RNF212B: variants seen among roughly 807,000 people sequenced by gnomAD.
RNF212B encodes ring finger protein 212B.
RNF212B carries 52 observed loss-of-function variants against 55.5 expected under a neutral mutation model. The observed-to-expected ratio is 0.94, with a 90% CI of 0.75 to 1.18. The LOEUF (loss-of-function observed/expected upper bound fraction) is 1.18, where lower values mean the gene tolerates loss of function less well. Among genes scored for constraint, RNF212B ranks in the 50% most tolerant of loss-of-function variants. RNF212B has a pLI of 0.00. For synonymous variants in RNF212B, 99 were observed against 121.4 expected (o/e 0.82, Z 1.21); for missense variants, 289 against 350.4 (o/e 0.82, Z 1.40).
chr14:23,267,027 G>C (rs781688506), intron 11 of RNF212B, among the ~76,000 whole-genome samples: 1 of 152,128 alleles, frequency 6.6e-6, no homozygotes, highest in Non-Finnish European at 1.5e-5. Context: ...GGAGTGTAGT[G>C]GCACAATTGT....
In RNF212B at chr14:23,213,239, T is replaced by G. The variant is rs544007129; in HGVS notation, c.-2+19838T>G. 6.6e-5 allele frequency among the ~76,000 whole-genome samples: 10 copies of G among 151,092 alleles called. No individual in the cohort carries two copies. The South Asian group carries it at 1.0e-3, about 16-fold the overall frequency. ...GAGGCAGGAGAATGGCGTGAACCCG[T>G]GAGGCGGAGCTTGCAGTGAGCCGAG... is the stretch of plus-strand genomic sequence containing the variant. On this transcript the variant is annotated intron_variant, in intron 2 of 15. Coordinates refer to the RNF212B transcript ENST00000399910.
intron 2 of RNF212B, among the ~76,000 whole-genome samples, chr14:23,196,915 C>T (rs966291886): frequency 6.6e-6 from 1 of 152,198 alleles, no homozygotes; most frequent in East Asian, 1.9e-4. Flanking sequence ...TCAGAGTCCT[C>T]ACTTGTGATA....
At chr14:23,189,870 A>C (rs76758830) in intron 1 of RNF212B, among the ~76,000 whole-genome samples, 2,547 of 152,186 alleles carry the variant, frequency 0.017, 67 homozygotes, top group African/African-American at 0.059. Flanking sequence ...CTACCACCCA[A>C]CTTCTCTGCT....
chr14:23,212,374 A>G (rs1823341808), intron 2 of RNF212B, among the ~76,000 whole-genome samples: 1 of 152,214 alleles, frequency 6.6e-6, no homozygotes, highest in Non-Finnish European at 1.5e-5. Context: ...TAAGAAGTAA[A>G]ACTTAAAAGT....
intron 4 of RNF212B, among the ~76,000 whole-genome samples, chr14:23,244,907 C>T (rs1321162901): frequency 2.0e-5 from 3 of 152,174 alleles, no homozygotes; most frequent in Non-Finnish European, 2.9e-5. Flanking sequence ...TAGGAAATAT[C>T]TTTTCTTGAT....
intron 2 of RNF212B, among the ~76,000 whole-genome samples, chr14:23,199,308 C>A (rs1879051785): frequency 6.6e-6 from 1 of 151,880 alleles, no homozygotes. Context: ...GGGGAGGAGG[C>A]TTCCAGGTCA....
chr14:23,212,327 A>G (rs1419769017), intron 2 of RNF212B, among the ~76,000 whole-genome samples: 2 of 152,216 alleles, frequency 1.3e-5, no homozygotes, highest in African/African-American at 4.8e-5. Flanking sequence ...GGAAAGGAAG[A>G]AGGAAAACTG....
In RNF212B at chr14:23,204,006, C is replaced by T. The variant is rs545239888; in HGVS notation, c.-2+10605C>T. ...GTGATGCTGAGCATACGTTTGTTTG[C>T]CATTTGTATATCTTCTCTTGAGAAT... On this transcript the variant is annotated intron_variant, in intron 2 of 15. Transcript: ENST00000399910. Among the ~76,000 whole-genome samples, 4 of 152,256 alleles carry T rather than the reference C, an allele frequency of 2.6e-5. No individual in the cohort carries two copies. The East Asian group carries it at 5.8e-4, about 22-fold the overall frequency.
intron 2 of RNF212B, among the ~76,000 whole-genome samples, chr14:23,228,543 G>C (rs562710380): frequency 2.0e-5 from 3 of 151,920 alleles, no homozygotes; most frequent in Non-Finnish European, 4.4e-5. Flanking sequence ...GGATGAGCAG[G>C]GAGGATGAGC....
intron 2 of RNF212B, among the ~76,000 whole-genome samples, chr14:23,216,901 A>AAAAAAAAAAAAAAC (rs1881131959): frequency 6.6e-6 from 1 of 151,466 alleles, no homozygotes; most frequent in Non-Finnish European, 1.5e-5. Context: ...AAAAAAAAAA[A>AAAAAAAAAAAAAAC]AAAGACCAAT....
At chr14:23,272,740 C>A in intron 14 of RNF212B, 83 bp from the exon 15 acceptor site, 2 of 846,050 alleles carry the variant, frequency 2.4e-6, no homozygotes, top group Non-Finnish European at 3.9e-6. Context: ...TCTCGATAAG[C>A]TTCATACAAC....
intron 2 of RNF212B, among the ~76,000 whole-genome samples, chr14:23,232,933 C>G (rs527343885): frequency 1.3e-5 from 2 of 152,046 alleles, no homozygotes; most frequent in East Asian, 3.9e-4. Context: ...TGAGAACGGG[C>G]CATGATGACG....
intron 2 of RNF212B, among the ~76,000 whole-genome samples, chr14:23,225,844 A>T (rs2140412084): frequency 6.6e-6 from 1 of 152,242 alleles, no homozygotes; most frequent in African/African-American, 2.4e-5. Flanking sequence ...GTATAATTGG[A>T]TTGTTTGTAA....
chr14:23,272,253 T>TA (rs1249935721), intron 14 of RNF212B, among the ~76,000 whole-genome samples: 1 of 151,974 alleles, frequency 6.6e-6, no homozygotes, highest in South Asian at 2.1e-4. Context: ...CCGTCTATAC[T>TA]AAAAAAAGTA....
intron 1 of RNF212B, among the ~76,000 whole-genome samples, chr14:23,239,249 G>A (rs1019650379): frequency 9.2e-5 from 14 of 152,120 alleles, no homozygotes; most frequent in Admixed American, 2.6e-4. Context: ...TAGTAGAGAC[G>A]GAGTTTTGCC....
At chr14:23,246,601 C>A (rs1436690275) in intron 4 of RNF212B, among the ~76,000 whole-genome samples, 1 of 151,744 alleles carries the variant, frequency 6.6e-6, no homozygotes, top group African/African-American at 2.4e-5. Flanking sequence ...TAAAAAAAAA[C>A]AAACAAAAAA....
upstream of RNF212B, among the ~76,000 whole-genome samples, chr14:23,236,972 T>G (rs1883155051): frequency 6.7e-6 from 1 of 149,280 alleles, no homozygotes; most frequent in Non-Finnish European, 1.5e-5. Context: ...TTTTTTTTTT[T>G]TTTTTGTTTG....
At chr14:23,212,461 G>A (rs1880616757) in intron 2 of RNF212B, among the ~76,000 whole-genome samples, 1 of 152,048 alleles carries the variant, frequency 6.6e-6, no homozygotes, top group Admixed American at 6.5e-5. Context: ...TAATAATGGG[G>A]TTTGAAAAGT....
chr14:23,271,456 AAAAG>A (rs1159578216), intron 14 of RNF212B, among the ~76,000 whole-genome samples: 1 of 151,198 alleles, frequency 6.6e-6, no homozygotes, highest in East Asian at 1.9e-4. Flanking sequence ...AAAAAAAAGA[AAAAG>A]AAAGAAAAAA....
Sources: allele counts gnomAD v4.1 joint callset (sites outside exome capture counted in the v4.1 genomes callset), GRCh38; gene constraint gnomAD v4.1.1; transcripts MANE v1.5; gene names NCBI Gene and HGNC (gene_info 2026-07-23, HGNC 2026-07-21).